Variants in PCDH9 observed in about 807,000 individuals in gnomAD.
PCDH9 encodes the protein protocadherin 9.
A neutral mutation model predicts 70.6 loss-of-function variants in PCDH9; 24 were observed. The ratio of observed to expected loss-of-function variants is 0.34; its 90% CI spans 0.25 to 0.48. PCDH9 has a LOEUF of 0.48. Among genes scored for constraint, PCDH9 ranks in the 20% least tolerant of loss-of-function variants. The pLI is 0.99. For synonymous variants in PCDH9, 562 were observed against 558.5 expected (o/e 1.01, Z -0.09); for missense variants, 1,281 against 1,503.6 (o/e 0.85, Z 2.45).
At chr13:67,141,127 G>A (rs1026103023) in intron 2 of PCDH9, among the ~76,000 whole-genome samples, 2 of 152,122 alleles carry the variant, frequency 1.3e-5, no homozygotes, top group African/African-American at 4.8e-5. Context: ...AGTTTAGAAT[G>A]GCTTTATCAT....
chr13:66,970,972 A>G (rs1023588615), intron 2 of PCDH9, among the ~76,000 whole-genome samples: 3 of 152,058 alleles, frequency 2.0e-5, no homozygotes, highest in Admixed American at 1.3e-4. Flanking sequence ...TATGCAGATC[A>G]CTGTGCAATT....
chr13:66,700,119 G>C (rs191707177), intron 3 of PCDH9, among the ~76,000 whole-genome samples: 3 of 152,076 alleles, frequency 2.0e-5, no homozygotes, highest in African/African-American at 7.2e-5. Context: ...ACTAGTTAAC[G>C]TGCACCTACT....
chr13:66,633,904 G>T (rs141793119), intron 3 of PCDH9, among the ~76,000 whole-genome samples: 225 of 152,192 alleles, frequency 1.5e-3, no homozygotes, highest in Middle Eastern at 3.4e-3. Flanking sequence ...TGCAGTTCTT[G>T]CAGGTGGTCC....
intron 3 of PCDH9, among the ~76,000 whole-genome samples, chr13:66,669,885 CAT>C (rs1158549280): frequency 9.2e-5 from 14 of 152,174 alleles, no homozygotes; most frequent in African/African-American, 9.6e-5. Context: ...TAAAAACTAA[CAT>C]ATTTAATAAA....
intron 4 of PCDH9, among the ~76,000 whole-genome samples, chr13:66,430,691 A>C (rs1437488125): frequency 6.6e-6 from 1 of 152,046 alleles, no homozygotes; most frequent in African/African-American, 2.4e-5. Context: ...ATTTTTATCC[A>C]TTTTTACCAC....
chr13:66,728,150 A>T (rs2079029561), intron 3 of PCDH9, among the ~76,000 whole-genome samples: 1 of 152,188 alleles, frequency 6.6e-6, no homozygotes, highest in Admixed American at 6.5e-5. Context: ...TCCTAAAGAC[A>T]TCTCAATGCT....
intron 4 of PCDH9, among the ~76,000 whole-genome samples, chr13:66,542,138 C>A (rs929710837): frequency 5.9e-5 from 9 of 152,046 alleles, no homozygotes; most frequent in African/African-American, 2.2e-4. Context: ...GACTAATAAT[C>A]ATTTTTACCA....
At chr13:67,198,249 T>G (rs2089124740) in intron 2 of PCDH9, among the ~76,000 whole-genome samples, 1 of 151,836 alleles carries the variant, frequency 6.6e-6, no homozygotes, top group Non-Finnish European at 1.5e-5. Context: ...AAAATTTACC[T>G]TAGTATGCAT....
chr13:67,188,042 C>T (rs2088806069), intron 2 of PCDH9, among the ~76,000 whole-genome samples: 1 of 151,928 alleles, frequency 6.6e-6, no homozygotes, highest in Non-Finnish European at 1.5e-5. Flanking sequence ...TAATGAATTT[C>T]AAGAGTATAA....
intron 4 of PCDH9, among the ~76,000 whole-genome samples, chr13:66,573,412 C>T (rs377718453): frequency 4.3e-4 from 65 of 151,948 alleles, no homozygotes; most frequent in African/African-American, 1.5e-3. Context: ...TCTTTTGTTA[C>T]TTGCGTAAAT....
intron 3 of PCDH9, among the ~76,000 whole-genome samples, chr13:66,786,146 G>T (rs1481233259): frequency 6.6e-6 from 1 of 152,124 alleles, no homozygotes; most frequent in Admixed American, 6.6e-5. Context: ...ATGGCAAATT[G>T]GTTGAATGGG....
At chr13:67,123,418 G>T (rs1594542679) in intron 2 of PCDH9, among the ~76,000 whole-genome samples, 1 of 152,156 alleles carries the variant, frequency 6.6e-6, no homozygotes, top group South Asian at 2.1e-4. Flanking sequence ...GGCAAAGAAA[G>T]ATACTTCCTT....
intron 2 of PCDH9, among the ~76,000 whole-genome samples, chr13:67,109,479 C>T (rs990505131): frequency 1.3e-5 from 2 of 152,062 alleles, no homozygotes; most frequent in Non-Finnish European, 2.9e-5. Flanking sequence ...AGAATCAGTC[C>T]AAATCCAAAC....
intron 4 of PCDH9, among the ~76,000 whole-genome samples, chr13:66,606,323 G>C (rs564757515): frequency 2.1e-4 from 32 of 152,140 alleles, no homozygotes; most frequent in African/African-American, 7.5e-4. Context: ...CCTGTGTGTA[G>C]GCATAGTTCT....
chr13:66,582,827 G>A (rs369147793), intron 4 of PCDH9, among the ~76,000 whole-genome samples: 48 of 152,246 alleles, frequency 3.2e-4, no homozygotes, highest in African/African-American at 1.1e-3. Context: ...ATGAAGTCCA[G>A]TGTCTTGTCA....
At chr13:67,137,333 G>A (rs754799780) in intron 2 of PCDH9, among the ~76,000 whole-genome samples, 49 of 152,126 alleles carry the variant, frequency 3.2e-4, no homozygotes, top group Non-Finnish European at 5.6e-4. Flanking sequence ...AAATCATATC[G>A]TTTGTATGAA....
intron 3 of PCDH9, among the ~76,000 whole-genome samples, chr13:66,792,008 T>A (rs1309285035): frequency 5.9e-5 from 9 of 152,182 alleles, no homozygotes; most frequent in Non-Finnish European, 1.2e-4. Context: ...ATCAATAATA[T>A]CCTATTTAGA....
At chr13:66,733,997 T>C (rs2079110937) in intron 3 of PCDH9, among the ~76,000 whole-genome samples, 1 of 152,102 alleles carries the variant, frequency 6.6e-6, no homozygotes, top group Non-Finnish European at 1.5e-5. Context: ...CCATACCCAA[T>C]AGAGTATTTT....
chr13:66,550,587 A>G (rs981182481), intron 4 of PCDH9, among the ~76,000 whole-genome samples: 2 of 152,174 alleles, frequency 1.3e-5, no homozygotes, highest in Non-Finnish European at 2.9e-5. Context: ...CCTTAAGTTA[A>G]AGGCAATGCA....
Sources: allele counts gnomAD v4.1 joint callset (sites outside exome capture counted in the v4.1 genomes callset), GRCh38; gene constraint gnomAD v4.1.1; transcripts MANE v1.5; gene names NCBI Gene and HGNC (gene_info 2026-07-23, HGNC 2026-07-21).